CNTN5: variants seen among roughly 807,000 people sequenced by gnomAD.
CNTN5 encodes contactin-5.
A neutral mutation model predicts 129.1 loss-of-function variants in CNTN5; 77 were observed. The ratio of observed to expected loss-of-function variants is 0.60; its 90% confidence interval spans 0.50 to 0.72. The LOEUF (loss-of-function observed/expected upper bound fraction) is 0.72, where lower values mean the gene tolerates loss of function less well. Among genes scored for constraint, CNTN5 ranks in the 30% least tolerant of loss-of-function variants. The probability of loss-of-function intolerance (pLI) is 0.00; values close to 1 mark genes in which losing one functional copy is unlikely to be tolerated. For synonymous variants in CNTN5, 509 were observed against 465.6 expected (o/e 1.09, Z -1.20); for missense variants, 1,478 against 1,328.8 (o/e 1.11, Z -1.75).
chr11:99,171,065 G>GTT (rs61449791), intron 1 of CNTN5, among the ~76,000 whole-genome samples: 2 of 151,396 alleles, frequency 1.3e-5, no homozygotes, highest in African/African-American at 4.9e-5. Flanking sequence ...GAATATATTA[G>GTT]TTTTTTTTTC....
chr11:99,360,438 G>A (rs1939028558), intron 2 of CNTN5, among the ~76,000 whole-genome samples: 1 of 152,140 alleles, frequency 6.6e-6, no homozygotes, highest in South Asian at 2.1e-4. Context: ...TCTCCAGTGA[G>A]TCCTTTGAAA....
chr11:100,146,915 C>A (rs1479333655), intron 13 of CNTN5, among the ~76,000 whole-genome samples: 1 of 152,060 alleles, frequency 6.6e-6, no homozygotes, highest in Non-Finnish European at 1.5e-5. Context: ...ATAAAAGATA[C>A]AGTCTCCATT....
Position 99,461,314 on chromosome 11 carries a change from T to G in CNTN5, c.-70-94831T>G, listed in dbSNP as rs142099146. On this transcript the variant is annotated intron_variant, in intron 2 of 24. Transcript: ENST00000524871. ...ATTTTGGCAGGATAATTCTTTCTTATGCAGGTAAGAACTGCCGTAGGTTTG... is the reference window on the plus strand; with the variant it reads ...ATTTTGGCAGGATAATTCTTTCTTAGGCAGGTAAGAACTGCCGTAGGTTTG... Among the ~76,000 whole-genome samples, 740 of 152,258 alleles carry G rather than the reference T, an allele frequency of 4.9e-3. 25 individuals are homozygous for G. Among genetic ancestry groups the G allele is most frequent in the Admixed American group, 0.043 (658 of 15,286 alleles).
chr11:99,819,543 G>A lies in CNTN5; in HGVS notation c.56-1G>A. ...ATTTTATTATATTTTTTCTCTTACA[G>A]AGTATTCAAAATCTCTTCCTGGTCT... On this transcript the variant is annotated splice_acceptor_variant, in intron 3 of 24. Transcript: ENST00000524871. LOFTEE classifies it high-confidence loss of function. 1.9e-6 allele frequency: 3 copies of A among 1,601,850 alleles called. No individual in the cohort carries two copies. The highest frequency in any genetic ancestry group is 1.7e-6 in the Non-Finnish European group (2 of 1,170,546).
intron 10 of CNTN5, among the ~76,000 whole-genome samples, chr11:100,066,284 T>G (rs1207360996): frequency 6.6e-6 from 1 of 152,120 alleles, no homozygotes; most frequent in Non-Finnish European, 1.5e-5. Context: ...CATCCCCAAC[T>G]GTATAATCTC....
chr11:99,114,345 G>A (rs972503052), intron 1 of CNTN5, among the ~76,000 whole-genome samples: 1 of 152,072 alleles, frequency 6.6e-6, no homozygotes, highest in Admixed American at 6.6e-5. Context: ...GTAAGAAATT[G>A]TTAAATCATG....
chr11:99,879,262 A>T (rs923965625), intron 6 of CNTN5, among the ~76,000 whole-genome samples: 1 of 152,138 alleles, frequency 6.6e-6, no homozygotes, highest in East Asian at 1.9e-4. Context: ...CTGGTAAGTT[A>T]GTGGGAAAAG....
intron 2 of CNTN5, among the ~76,000 whole-genome samples, chr11:99,525,737 A>G (rs978990883): frequency 1.3e-5 from 2 of 152,252 alleles, no homozygotes; most frequent in Non-Finnish European, 1.5e-5. Context: ...CCAGGCAGAG[A>G]GCCAATAATC....
At chr11:99,826,897 G>A (rs1946977456) in intron 4 of CNTN5, among the ~76,000 whole-genome samples, 1 of 152,040 alleles carries the variant, frequency 6.6e-6, no homozygotes, top group African/African-American at 2.4e-5. Flanking sequence ...AGGAAGTAAG[G>A]GGGGGATCAG....
rs564210706 is a variant in CNTN5 at position 99,531,922 on chromosome 11, A to C, written c.-70-24223A>C. Among the ~76,000 whole-genome samples the C allele has an allele frequency of 6.6e-5, 10 of 152,294 alleles. No individual in the cohort carries two copies. The East Asian group carries it at 1.5e-3, about 24-fold the overall frequency. Reference sequence around the variant, plus strand: ...TCTCATGGAGAATCTCTGCTAGGGCAGTGCAAAAGGGAAATATGAGGTCGG... The same window carrying C: ...TCTCATGGAGAATCTCTGCTAGGGCCGTGCAAAAGGGAAATATGAGGTCGG... On this transcript the variant is annotated intron_variant, in intron 2 of 24. Coordinates refer to ENST00000524871, the MANE Select transcript of CNTN5 (RefSeq NM_014361.4).
intron 1 of CNTN5, among the ~76,000 whole-genome samples, chr11:99,284,603 GTGTGTGT>G (rs1565461870): frequency 4.2e-3 from 4 of 946 alleles, no homozygotes; most frequent in East Asian, 0.017. Context: ...GATGAGTGGT[GTGTGTGT>G]GTGTGTGTGT....
At chr11:99,952,121 A>T (rs1024453096) in intron 7 of CNTN5, among the ~76,000 whole-genome samples, 1 of 152,130 alleles carries the variant, frequency 6.6e-6, no homozygotes, top group Admixed American at 6.5e-5. Flanking sequence ...TTTCCCACCA[A>T]TTTCAGGTTG....
intron 2 of CNTN5, among the ~76,000 whole-genome samples, chr11:99,534,838 T>C (rs554189097): frequency 1.3e-5 from 2 of 152,270 alleles, no homozygotes; most frequent in East Asian, 3.9e-4. Context: ...AACTTTTGTC[T>C]GGTAGTGATA....
intron 13 of CNTN5, among the ~76,000 whole-genome samples, chr11:100,139,599 C>T (rs1946627938): frequency 6.6e-6 from 1 of 152,152 alleles, no homozygotes; most frequent in South Asian, 2.1e-4. Context: ...TGTGGTGGCT[C>T]ACGCCTGTAA....
chr11:100,038,834 T>C (rs1331715162), intron 9 of CNTN5, among the ~76,000 whole-genome samples: 1 of 152,170 alleles, frequency 6.6e-6, no homozygotes, highest in Admixed American at 6.5e-5. Flanking sequence ...CATCTTCCTC[T>C]ATCCCTTTAT....
At chr11:99,613,788 CTAAA>C (rs1443989018) in intron 3 of CNTN5, among the ~76,000 whole-genome samples, 2 of 152,092 alleles carry the variant, frequency 1.3e-5, no homozygotes, top group East Asian at 1.9e-4. Context: ...AAAGCATCCA[CTAAA>C]TAAAGTTTGT....
At chr11:99,841,797 A>G (rs566606773) in intron 4 of CNTN5, among the ~76,000 whole-genome samples, 4,721 of 9,694 alleles carry the variant, frequency 0.49, 191 homozygotes, top group Admixed American at 0.52. Flanking sequence ...ATATATATAT[A>G]TATGTGGTGT....
chr11:99,671,109 G>T (rs972318055), intron 3 of CNTN5, among the ~76,000 whole-genome samples: 1 of 149,754 alleles, frequency 6.7e-6, no homozygotes, highest in Non-Finnish European at 1.5e-5. Context: ...TCGCTCGCTC[G>T]CTCTTGCTCT....
At chr11:99,037,576 C>CTTTTTTTTTTTTTTTTTTTT (rs1161467398) in intron 1 of CNTN5, among the ~76,000 whole-genome samples, 1 of 105,668 alleles carries the variant, frequency 9.5e-6, no homozygotes, top group African/African-American at 3.5e-5. Flanking sequence ...TTTTTCTTTT[C>CTTTTTTTTTTTTTTTTTTTT]TTTTTTTTTT....
Sources: gnomAD v4.1 joint callset for allele counts (sites outside exome capture counted in the v4.1 genomes callset) on GRCh38, gnomAD v4.1.1 for gene constraint, MANE v1.5 for transcripts, NCBI Gene and HGNC (gene_info 2026-07-23, HGNC 2026-07-21) for gene names.